The following MDGA2 variants were observed in gnomAD, a reference collection of about 807,000 sequenced individuals.
The protein encoded by MDGA2 is MAM domain containing glycosylphosphatidylinositol anchor 2.
MDGA2 carries 40 observed loss-of-function variants against 117.8 expected under a neutral mutation model. The observed-to-expected ratio is 0.34, with a 90% CI of 0.26 to 0.44. The LOEUF (loss-of-function observed/expected upper bound fraction) is 0.44, where lower values mean the gene tolerates loss of function less well. Ranked by LOEUF, MDGA2 falls within the 20% of genes least tolerant of loss-of-function variation. The pLI, the probability that MDGA2 is intolerant of heterozygous loss-of-function variation, is 1.00. For missense variants in MDGA2, 1,123 were observed against 1,250.6 expected, an observed-to-expected ratio of 0.90 and a Z score of 1.54; for synonymous variants, 452 against 439.0, an observed-to-expected ratio of 1.03 and a Z score of -0.37.
chr14:47,478,141 A>G (rs1277570414), intron 1 of MDGA2, among the ~76,000 whole-genome samples: 1 of 152,232 alleles, frequency 6.6e-6, no homozygotes, highest in East Asian at 1.9e-4. Context: ...TCTAAAGAAA[A>G]TAAAAGTTTA....
At chr14:47,056,013 A>T (rs1264333548) in intron 7 of MDGA2, among the ~76,000 whole-genome samples, 1 of 152,070 alleles carries the variant, frequency 6.6e-6, no homozygotes, top group Non-Finnish European at 1.5e-5. Flanking sequence ...ATAACTTTTG[A>T]TTGCAGGGTA....
At chr14:47,618,963 G>C (rs1431166648) in intron 1 of MDGA2, among the ~76,000 whole-genome samples, 1 of 152,094 alleles carries the variant, frequency 6.6e-6, no homozygotes, top group East Asian at 1.9e-4. Flanking sequence ...GACCCATCCA[G>C]GGACTCTAGC....
Position 47,025,327 on chromosome 14 carries a change from G to C in MDGA2, c.1819+9684C>G, listed in dbSNP as rs532682052. On this transcript the variant is annotated intron_variant, in intron 8 of 16. Transcript: ENST00000399232. ...ATTAAATTGCTTCTGGATTTGAGAGGAATGTTAATACTTAATAGGAAGCCA... is the reference window on the plus strand; with the variant it reads ...ATTAAATTGCTTCTGGATTTGAGAGCAATGTTAATACTTAATAGGAAGCCA... Among the ~76,000 whole-genome samples the C allele has an allele frequency of 9.1e-4, 139 of 152,198 alleles. 1 individual carries two copies. The highest frequency in any genetic ancestry group is 3.2e-3 in the African/African-American group (131 of 41,532).
chr14:47,508,830 C>T (rs1894576415), intron 1 of MDGA2, among the ~76,000 whole-genome samples: 1 of 151,874 alleles, frequency 6.6e-6, no homozygotes, highest in East Asian at 1.9e-4. Flanking sequence ...CAGGCACCCA[C>T]CACTATGCCC....
chr14:47,364,567 A>T (rs1891192524), intron 1 of MDGA2, among the ~76,000 whole-genome samples: 1 of 152,170 alleles, frequency 6.6e-6, no homozygotes, highest in Non-Finnish European at 1.5e-5. Context: ...CCGGCCCCAG[A>T]ATTAAATTAA....
At chr14:47,357,424 A>G (rs1891019583) in intron 1 of MDGA2, among the ~76,000 whole-genome samples, 1 of 152,214 alleles carries the variant, frequency 6.6e-6, no homozygotes, top group African/African-American at 2.4e-5. Flanking sequence ...TAGACAGTGT[A>G]GGGTTGGACA....
intron 2 of MDGA2, among the ~76,000 whole-genome samples, chr14:47,279,696 T>C (rs1888414139): frequency 1.3e-5 from 2 of 152,106 alleles, no homozygotes. Context: ...TTTTCATTCC[T>C]TTTTTATGTT....
At chr14:47,050,840 C>A (rs1019981634) in intron 7 of MDGA2, among the ~76,000 whole-genome samples, 2 of 151,948 alleles carry the variant, frequency 1.3e-5, no homozygotes, top group Admixed American at 6.6e-5. Flanking sequence ...TCTCTCCCAA[C>A]TTTTGGGAGC....
At chr14:47,496,423 T>C (rs1027448758) in intron 1 of MDGA2, among the ~76,000 whole-genome samples, 7 of 152,044 alleles carry the variant, frequency 4.6e-5, no homozygotes, top group African/African-American at 1.2e-4. Flanking sequence ...TTAAATATTT[T>C]TGTAGAAATG....
At chr14:47,129,406 AC>A (rs1056391890) in intron 5 of MDGA2, among the ~76,000 whole-genome samples, 1 of 152,112 alleles carries the variant, frequency 6.6e-6, no homozygotes, top group African/African-American at 2.4e-5. Flanking sequence ...CCATGTCCCC[AC>A]AAAGGACATG....
At chr14:46,905,699 A>G (rs1883463748) in intron 10 of MDGA2, among the ~76,000 whole-genome samples, 1 of 152,170 alleles carries the variant, frequency 6.6e-6, no homozygotes, top group African/African-American at 2.4e-5. Context: ...TGACAGAAAA[A>G]AATGAAATAT....
intron 1 of MDGA2, among the ~76,000 whole-genome samples, chr14:47,321,223 A>G (rs777203267): frequency 5.9e-5 from 9 of 152,140 alleles, no homozygotes; most frequent in African/African-American, 1.4e-4. Flanking sequence ...AACCCTATGC[A>G]TTTGCTCTTG....
chr14:46,998,751 CATT>C (rs1419575471), intron 8 of MDGA2, among the ~76,000 whole-genome samples: 1 of 152,078 alleles, frequency 6.6e-6, no homozygotes, highest in Non-Finnish European at 1.5e-5. Flanking sequence ...CACTACCCAT[CATT>C]ATTAACTAAA....
At chr14:47,200,506 TTTTTC>T (rs1301287033) in intron 3 of MDGA2, 6 of 592,410 alleles carry the variant, frequency 1.0e-5, no homozygotes, top group East Asian at 3.0e-5. Flanking sequence ...CCTTTTTCTA[TTTTTC>T]TTTTCTTTTT....
chr14:47,587,329 G>T (rs1173365402), intron 1 of MDGA2, among the ~76,000 whole-genome samples: 1 of 151,442 alleles, frequency 6.6e-6, no homozygotes, highest in Non-Finnish European at 1.5e-5. Context: ...GATATTTTTG[G>T]AATATATATT....
chr14:47,284,176 T>G (rs72680286), intron 2 of MDGA2, among the ~76,000 whole-genome samples: 13,809 of 152,162 alleles, frequency 0.091, 765 homozygotes, highest in Non-Finnish European at 0.11. Flanking sequence ...CCATCCCAAA[T>G]AACTTAAAAG....
chr14:46,980,227 T>A (rs910716276), intron 8 of MDGA2, among the ~76,000 whole-genome samples: 1 of 152,158 alleles, frequency 6.6e-6, no homozygotes, highest in Non-Finnish European at 1.5e-5. Flanking sequence ...CCAACACTCA[T>A]GGAAAACTTA....
intron 8 of MDGA2, among the ~76,000 whole-genome samples, chr14:46,986,074 T>A (rs548297931): frequency 6.6e-6 from 1 of 152,174 alleles, no homozygotes; most frequent in Admixed American, 6.6e-5. Flanking sequence ...CTTGACAGCC[T>A]GAGGAATCTT....
At chr14:46,894,168 C>T (rs1391080700) in intron 10 of MDGA2, among the ~76,000 whole-genome samples, 1 of 151,938 alleles carries the variant, frequency 6.6e-6, no homozygotes, top group Admixed American at 6.6e-5. Context: ...AAAAATCTAT[C>T]GAGGTTAGTA....
Sources: gnomAD v4.1 joint callset for allele counts (sites outside exome capture counted in the v4.1 genomes callset) on GRCh38, gnomAD v4.1.1 for gene constraint, MANE v1.5 for transcripts, NCBI Gene and HGNC (gene_info 2026-07-23, HGNC 2026-07-21) for gene names.